Variants in ARHGEF37 observed in about 807,000 individuals in gnomAD.
ARHGEF37 encodes the protein Rho guanine nucleotide exchange factor 37, also known as Rho guanine nucleotide exchange factor (GEF) 37.
In ARHGEF37, 55 loss-of-function variants were observed where a neutral mutation model predicts 71.1. The ratio of observed to expected loss-of-function variants is 0.77; its 90% CI spans 0.62 to 0.97. ARHGEF37 has a LOEUF of 0.97. Ranked by LOEUF, ARHGEF37 falls within the 50% of genes least tolerant of loss-of-function variation. The pLI is 0.00. For missense variants in ARHGEF37, 765 were observed against 836.8 expected (o/e 0.91, Z 1.06); for synonymous variants, 327 against 350.6 (o/e 0.93, Z 0.75).
At chr5:149,612,074 G>A (rs1343966644) in intron 4 of ARHGEF37, among the ~76,000 whole-genome samples, 2 of 152,210 alleles carry the variant, frequency 1.3e-5, no homozygotes, top group Non-Finnish European at 2.9e-5. Context: ...TAAAGAAAGA[G>A]ATATCTGAAG....
intron 2 of ARHGEF37, among the ~76,000 whole-genome samples, chr5:149,600,839 A>G (rs1450297706): frequency 2.0e-5 from 3 of 152,080 alleles, no homozygotes; most frequent in Non-Finnish European, 4.4e-5. Context: ...GGGTTTCACC[A>G]TCTTGGCCAG....
upstream of ARHGEF37, among the ~76,000 whole-genome samples, chr5:149,579,964 G>A (rs1256967189): frequency 6.6e-6 from 1 of 152,122 alleles, no homozygotes; most frequent in African/African-American, 2.4e-5. Flanking sequence ...TCTCCTTACA[G>A]CTTTCTGCAT....
intron 1 of ARHGEF37, among the ~76,000 whole-genome samples, chr5:149,593,741 A>G (rs78031003): frequency 0.015 from 2,265 of 152,324 alleles, 44 homozygotes; most frequent in East Asian, 0.097. Context: ...GAAGAGAAAA[A>G]ATGTTTACTA....
At position 149,587,897 on chromosome 5, in the gene ARHGEF37, T is replaced by A. The variant is rs929691791; in HGVS notation, c.-12+6273T>A. 7.2e-3 allele frequency among the ~76,000 whole-genome samples: 580 copies of A among 80,358 alleles called. 6 individuals carry two copies. Among genetic ancestry groups the A allele is most frequent in the African/African-American group, 0.036 (564 of 15,776 alleles). 52.7% of individuals were successfully genotyped at this position (80,358 alleles called of 152,430 possible). ...GTAGGTCTTCCCTCCCTTTAGTCTT[T>A]TTTTTTTTTTTTTTTTGGAGACAAA... On this transcript the variant is annotated intron_variant, in intron 1 of 12. Transcript: ENST00000333677.
intron 1 of ARHGEF37, among the ~76,000 whole-genome samples, chr5:149,561,703 AGTCT>A (rs1380184866): frequency 6.6e-6 from 1 of 152,230 alleles, no homozygotes; most frequent in Non-Finnish European, 1.5e-5. Context: ...TATTCTAATC[AGTCT>A]GTCCCGGCAA....
chr5:149,625,912 C>T (rs1360849679), intron 10 of ARHGEF37, among the ~76,000 whole-genome samples: 1 of 152,196 alleles, frequency 6.6e-6, no homozygotes, highest in East Asian at 1.9e-4. Flanking sequence ...AGGGGTGACG[C>T]TGTTCTCTGC....
At chr5:149,600,764 C>T (rs541532363) in intron 2 of ARHGEF37, among the ~76,000 whole-genome samples, 4 of 152,122 alleles carry the variant, frequency 2.6e-5, no homozygotes, top group African/African-American at 9.6e-5. Context: ...CTCAGCCTCC[C>T]GAGTAGCTGG....
intron 12 of ARHGEF37, among the ~76,000 whole-genome samples, chr5:149,630,662 G>T (rs1743197943): frequency 6.6e-6 from 1 of 152,156 alleles, no homozygotes; most frequent in Non-Finnish European, 1.5e-5. Flanking sequence ...GTGCCTCTGG[G>T]GACAGGAATG....
rs374946269 is a variant in ARHGEF37 at position 149,609,530 on chromosome 5, T to C, written c.311-18T>C. 11 of 1,613,292 alleles carry C rather than the reference T, an allele frequency of 6.8e-6. No homozygotes were observed. The highest frequency in any genetic ancestry group is 9.3e-6 in the Non-Finnish European group (11 of 1,179,396). On this transcript the variant is annotated intron_variant, in intron 3 of 12. Transcript: ENST00000333677. ...CAGACATGCCCTTGACGACCCCTTG[T>C]TGCGTCTTCACTCTCAGGTAACATA...
chr5:149,603,797 G>A (rs1763828540), intron 3 of ARHGEF37, among the ~76,000 whole-genome samples: 1 of 152,160 alleles, frequency 6.6e-6, no homozygotes, highest in African/African-American at 2.4e-5. Context: ...TTAGCCAGAT[G>A]TGGTGGCACA....
At chr5:149,601,032 GT>G in intron 2 of ARHGEF37, 75 bp from the exon 3 acceptor site, 3 of 1,514,774 alleles carry the variant, frequency 2.0e-6, no homozygotes, top group Non-Finnish European at 2.7e-6. Flanking sequence ...TGAGTGTTCT[GT>G]CCTACTCTCA....
chr5:149,566,238 T>C (rs1197494639), intron 1 of ARHGEF37, among the ~76,000 whole-genome samples: 4 of 151,634 alleles, frequency 2.6e-5, no homozygotes, highest in Admixed American at 2.6e-4. Context: ...GGTTCACACC[T>C]GTAATCCCAG....
chr5:149,607,869 C>G (rs941312818), intron 3 of ARHGEF37, among the ~76,000 whole-genome samples: 3 of 149,296 alleles, frequency 2.0e-5, no homozygotes, highest in African/African-American at 7.4e-5. Context: ...TGGGTTCACG[C>G]CATTCTCCTG....
chr5:149,599,786 A>T (rs777858901), intron 2 of ARHGEF37, among the ~76,000 whole-genome samples: 1 of 152,204 alleles, frequency 6.6e-6, no homozygotes, highest in Non-Finnish European at 1.5e-5. Context: ...TAAGTTGATT[A>T]TATCCCAGTC....
chr5:149,594,091 T>C (rs182392407), intron 1 of ARHGEF37, among the ~76,000 whole-genome samples: 1 of 152,340 alleles, frequency 6.6e-6, no homozygotes, highest in Admixed American at 6.5e-5. Context: ...ATGATGTTTT[T>C]AAAGAAATAA....
At chr5:149,619,437 T>G (rs1037965675) in intron 7 of ARHGEF37, among the ~76,000 whole-genome samples, 2 of 152,212 alleles carry the variant, frequency 1.3e-5, no homozygotes, top group Non-Finnish European at 2.9e-5. Flanking sequence ...ACAGGCTGTT[T>G]ATGAGACTTT....
intron 1 of ARHGEF37, among the ~76,000 whole-genome samples, chr5:149,593,460 A>G (rs1464876713): frequency 6.6e-6 from 1 of 152,212 alleles, no homozygotes; most frequent in Non-Finnish European, 1.5e-5. Context: ...CACTAAGCAT[A>G]ATGTTTTTAA....
chr5:149,569,647 T>TG (rs1314324455), intron 1 of ARHGEF37, among the ~76,000 whole-genome samples: 2 of 149,536 alleles, frequency 1.3e-5, no homozygotes, highest in East Asian at 4.0e-4. Flanking sequence ...GATGGAGTCT[T>TG]GCTCTGTCAC....
Position 149,632,055 on chromosome 5 carries a change from T to C in ARHGEF37, c.1892T>C (p.Ile631Thr). 6.2e-6 allele frequency: 10 copies of C among 1,614,266 alleles called. No individual in the cohort carries two copies. The highest frequency in any genetic ancestry group is 8.5e-6 in the Non-Finnish European group (10 of 1,180,052). Reference protein sequence around the residue: ...VSLQAGQPVTILEAQDKKGNP... With the variant: ...VSLQAGQPVTTLEAQDKKGNP... Reference sequence around the variant, plus strand: ...CTGCAGGCAGGCCAGCCTGTGACCATCCTGGAGGCCCAGGACAAGAAGGGG... The same window carrying C: ...CTGCAGGCAGGCCAGCCTGTGACCACCCTGGAGGCCCAGGACAAGAAGGGG... The change falls in exon 13 of 13, where the codon ATC becomes ACC. Residue 631 changes from isoleucine to threonine, a missense_variant. Ile to Thr is a moderately conservative substitution (Grantham distance 89). Coordinates refer to ENST00000333677, the MANE Select transcript of ARHGEF37 (RefSeq NM_001001669.3).
Sources: gnomAD v4.1 joint callset for allele counts (sites outside exome capture counted in the v4.1 genomes callset) on GRCh38, gnomAD v4.1.1 for gene constraint, MANE v1.5 for transcripts, NCBI Gene and HGNC (gene_info 2026-07-23, HGNC 2026-07-21) for gene names.